The following KIF13A variants were observed in gnomAD, a reference collection of about 807,000 sequenced individuals.
The protein encoded by KIF13A is kinesin family member 13A.
Under a neutral mutation model 212.2 loss-of-function variants are expected in KIF13A, and 79 were observed. That is an observed-to-expected ratio of 0.37 (90% CI 0.31 to 0.45). The LOEUF is 0.45. KIF13A is among the 20% of genes least tolerant of loss of function. The pLI is 1.00. For synonymous variants in KIF13A, 789 were observed against 808.6 expected (o/e 0.98, Z 0.41); for missense variants, 1,901 against 2,209.0 (o/e 0.86, Z 2.79).
At chr6:17,842,534 T>C (rs2150387910) in intron 9 of KIF13A, among the ~76,000 whole-genome samples, 1 of 152,304 alleles carries the variant, frequency 6.6e-6, no homozygotes, top group South Asian at 2.1e-4. Context: ...AAATAAGTTA[T>C]TCCAGGAATC....
Position 17,851,000 on chromosome 6 carries a change from C to T in KIF13A, c.583-543G>A, listed in dbSNP as rs1767587774. On this transcript the variant is annotated intron_variant, in intron 7 of 38. Coordinates refer to ENST00000259711, the MANE Select transcript of KIF13A (RefSeq NM_022113.6). The surrounding 1 kb of genome is among the most constrained non-coding windows in gnomAD (Gnocchi z 6.2). Reference sequence around the variant, plus strand: ...GATGCTGAAGTTCGTGGAGGTCAAGCAACTTTCCCCAAATCCAGTAAGAGG... The same window carrying T: ...GATGCTGAAGTTCGTGGAGGTCAAGTAACTTTCCCCAAATCCAGTAAGAGG... Among the ~76,000 whole-genome samples, 1 of 152,070 alleles carries T rather than the reference C, an allele frequency of 6.6e-6. No homozygotes were observed. The highest frequency in any genetic ancestry group is 1.5e-5 in the Non-Finnish European group (1 of 67,996).
intron 2 of KIF13A, among the ~76,000 whole-genome samples, chr6:17,979,204 A>G (rs1337385186): frequency 6.6e-6 from 1 of 152,164 alleles, no homozygotes; most frequent in Non-Finnish European, 1.5e-5. Flanking sequence ...GAGGCACAAG[A>G]ATCGATTGAA....
chr6:17,942,200 G>A (rs1777013397), intron 2 of KIF13A, among the ~76,000 whole-genome samples: 1 of 151,968 alleles, frequency 6.6e-6, no homozygotes, highest in African/African-American at 2.4e-5. Context: ...TACTCGGGAG[G>A]CTGAGGTAGG....
intron 3 of KIF13A, among the ~76,000 whole-genome samples, chr6:17,890,185 T>C (rs1298878047): frequency 1.4e-5 from 1 of 71,950 alleles, no homozygotes; most frequent in African/African-American, 4.9e-5. Flanking sequence ...TGAAACTTCG[T>C]CTCAAAAAAA....
chr6:17,861,726 G>A (rs903023284), intron 4 of KIF13A, among the ~76,000 whole-genome samples: 1 of 152,072 alleles, frequency 6.6e-6, no homozygotes, highest in African/African-American at 2.4e-5. Context: ...AAGTCCTTGC[G>A]CTAGCCATTG....
intron 2 of KIF13A, chr6:17,950,599 C>T (rs1413543528): frequency 1.8e-5 from 18 of 984,988 alleles, no homozygotes; most frequent in Non-Finnish European, 2.2e-5. Context: ...CATTATTTAT[C>T]CAACAGCTGA....
At chr6:17,818,866 A>G (rs1001686938) in intron 16 of KIF13A, among the ~76,000 whole-genome samples, 1 of 152,208 alleles carries the variant, frequency 6.6e-6, no homozygotes, top group African/African-American at 2.4e-5. Context: ...TACAATTAGT[A>G]TTCTGTGAAA....
intron 20 of KIF13A, among the ~76,000 whole-genome samples, chr6:17,801,770 G>T (rs546012767): frequency 1.3e-5 from 2 of 152,172 alleles, no homozygotes; most frequent in African/African-American, 4.8e-5. Context: ...GGAGCAGGAT[G>T]AAGGAGGGCT....
intron 9 of KIF13A, among the ~76,000 whole-genome samples, chr6:17,842,957 T>A (rs528563324): frequency 6.6e-6 from 1 of 152,248 alleles, no homozygotes; most frequent in East Asian, 1.9e-4. Flanking sequence ...ATGATGTACA[T>A]ATTATCTGTA....
In KIF13A at chr6:17,918,886, T is replaced by C. The variant is rs1481211154; in HGVS notation, c.147-20706A>G. Among the ~76,000 whole-genome samples, 1 of 152,200 alleles carries C rather than the reference T, an allele frequency of 6.6e-6. No individual in the cohort carries two copies. Among genetic ancestry groups the C allele is most frequent in the African/African-American group, 2.4e-5 (1 of 41,430 alleles). ...CCTTTCGCCATGTTAAACCATTTCATTATTTATTTGCTTATTATCCACAGG... is the reference window on the plus strand; with the variant it reads ...CCTTTCGCCATGTTAAACCATTTCACTATTTATTTGCTTATTATCCACAGG... On this transcript the variant is annotated intron_variant, in intron 2 of 38. Coordinates refer to ENST00000259711, the MANE Select transcript of KIF13A (RefSeq NM_022113.6). This position sits in a 1 kb window ranked among gnomAD's most constrained non-coding sequence, Gnocchi z 4.8.
Position 17,850,272 on chromosome 6 carries a change from A to G in KIF13A, c.717+51T>C. On this transcript the variant is annotated intron_variant, in intron 8 of 38. Transcript: ENST00000259711. The surrounding 1 kb of genome is among the most constrained non-coding windows in gnomAD (Gnocchi z 6.2). Reference sequence around the variant, plus strand: ...CATGAAAGACTTTACCTATATGGACACTTTCAGTTCTTCCACCCCCACTCC... The same window carrying G: ...CATGAAAGACTTTACCTATATGGACGCTTTCAGTTCTTCCACCCCCACTCC... The G allele has an allele frequency of 6.5e-7, 1 of 1,542,708 alleles. No homozygotes were observed. The highest frequency in any genetic ancestry group is 1.4e-5 in the African/African-American group (1 of 73,138).
At chr6:17,959,091 CT>C (rs923881804) in intron 2 of KIF13A, among the ~76,000 whole-genome samples, 7 of 151,880 alleles carry the variant, frequency 4.6e-5, no homozygotes, top group African/African-American at 1.7e-4. Context: ...TGGGGTCTCA[CT>C]ATCTTGCCCA....
Position 17,888,031 on chromosome 6 carries a change from T to C in KIF13A, c.159+10137A>G, listed in dbSNP as rs1052912280. 3.3e-5 allele frequency among the ~76,000 whole-genome samples: 5 copies of C among 152,012 alleles called. No homozygotes were observed. Among genetic ancestry groups the C allele is most frequent in the African/African-American group, 9.7e-5 (4 of 41,418 alleles). On this transcript the variant is annotated intron_variant, in intron 3 of 38. Coordinates refer to ENST00000259711, the MANE Select transcript of KIF13A (RefSeq NM_022113.6). This position sits in a 1 kb window ranked among gnomAD's most constrained non-coding sequence, Gnocchi z 4.8. ...CCTGCATCTTGATTCTTATCCTAAA[T>C]TTCTGCACTTTGACACCCTATCCAT... is the stretch of plus-strand genomic sequence containing the variant.
At chr6:17,942,838 C>T (rs968734334) in intron 2 of KIF13A, among the ~76,000 whole-genome samples, 3 of 151,686 alleles carry the variant, frequency 2.0e-5, no homozygotes, top group Non-Finnish European at 2.9e-5. Flanking sequence ...ATTAGCTGGG[C>T]GTGGTGTCAA....
chr6:17,918,225 T>C lies in KIF13A; in HGVS notation c.147-20045A>G, dbSNP rs1446996781. Among the ~76,000 whole-genome samples the C allele has an allele frequency of 1.3e-5, 2 of 151,954 alleles. No individual in the cohort carries two copies. Among genetic ancestry groups the C allele is most frequent in the Admixed American group, 6.6e-5 (1 of 15,256 alleles). On this transcript the variant is annotated intron_variant, in intron 2 of 38. Coordinates refer to ENST00000259711, the MANE Select transcript of KIF13A (RefSeq NM_022113.6). This position sits in a 1 kb window ranked among gnomAD's most constrained non-coding sequence, Gnocchi z 4.8. Reference sequence around the variant, plus strand: ...AGGCCGGGTCACACTCACCCTGGGTTCTCTCCTATCGGGTCTGGCATAGTG... The same window carrying C: ...AGGCCGGGTCACACTCACCCTGGGTCCTCTCCTATCGGGTCTGGCATAGTG...
chr6:17,980,290 T>C (rs1780947765), intron 2 of KIF13A, among the ~76,000 whole-genome samples: 1 of 152,236 alleles, frequency 6.6e-6, no homozygotes, highest in African/African-American at 2.4e-5. Flanking sequence ...AGAATTAAGA[T>C]ACTTTTCATA....
chr6:17,956,109 C>T (rs1778336266), intron 2 of KIF13A, among the ~76,000 whole-genome samples: 1 of 152,162 alleles, frequency 6.6e-6, no homozygotes, highest in African/African-American at 2.4e-5. Context: ...GTTCTAAGGA[C>T]TCATCAAGTG....
At chr6:17,821,786 CT>C (rs748863097) in intron 16 of KIF13A, 1 of 1,535,256 alleles carries the variant, frequency 6.5e-7, no homozygotes, top group South Asian at 1.2e-5. Context: ...AGTTAAAAAC[CT>C]TTATCCCAGT....
chr6:17,789,941 G>C lies in KIF13A; in HGVS notation c.3223-31C>G, dbSNP rs1561974867. 2 of 1,598,864 alleles carry C rather than the reference G, an allele frequency of 1.3e-6. No homozygotes were observed. The highest frequency in any genetic ancestry group is 1.7e-6 in the Non-Finnish European group (2 of 1,167,546). On this transcript the variant is annotated intron_variant, in intron 25 of 38. Transcript: ENST00000259711. This position sits in a 1 kb window ranked among gnomAD's most constrained non-coding sequence, Gnocchi z 4.8. ...AGGAAAAAATAAACACAAAGGACAA[G>C]CATTTTGTTTTTCAAACCACATACA...
Sources: allele counts gnomAD v4.1 joint callset (sites outside exome capture counted in the v4.1 genomes callset), GRCh38; gene constraint gnomAD v4.1.1; non-coding constraint Gnocchi (gnomAD v3.1); transcripts MANE v1.5; gene names NCBI Gene and HGNC (gene_info 2026-07-23, HGNC 2026-07-21).